The following WDHD1 variants were observed in gnomAD, a reference collection of about 807,000 sequenced individuals.
The protein encoded by WDHD1 is WD repeat and HMG-box DNA binding protein 1.
Under a neutral mutation model 135.4 loss-of-function variants are expected in WDHD1, and 111 were observed. The observed-to-expected ratio is 0.82, with a 90% CI of 0.70 to 0.96. The LOEUF is 0.96. WDHD1 is among the 40% of genes least tolerant of loss of function. WDHD1 has a pLI of 0.00. For synonymous variants in WDHD1, 434 were observed against 439.0 expected (o/e 0.99, Z 0.14); for missense variants, 1,351 against 1,336.3 (o/e 1.01, Z -0.17).
intron 24 of WDHD1, 195 bp from the exon 25 acceptor site, chr14:54,944,665 C>T: frequency 2.5e-6 from 1 of 404,410 alleles, no homozygotes; most frequent in East Asian, 6.3e-5. Flanking sequence ...TGTCACCCAG[C>T]CTGGAGTGCA....
chr14:54,975,636 A>T, intron 16 of WDHD1, among the ~76,000 whole-genome samples: 1 of 152,190 alleles, frequency 6.6e-6, no homozygotes, highest in East Asian at 1.9e-4. Context: ...GGCGTGAGCC[A>T]CTGCACCCAA....
intron 16 of WDHD1, among the ~76,000 whole-genome samples, chr14:54,969,446 G>C (rs1294950409): frequency 6.6e-6 from 1 of 151,758 alleles, no homozygotes; most frequent in Non-Finnish European, 1.5e-5. Context: ...AAGAACTTCT[G>C]CACAGCAAAG....
chr14:54,955,600 GT>G lies in WDHD1; in HGVS notation c.3010del (p.Thr1004ProfsTer23). On this transcript the variant is annotated frameshift_variant, in exon 24 of 26. Transcript: ENST00000360586. LOFTEE classifies it high-confidence loss of function. ...GTTTTGAGGAGGACATATAGCTGGG[GT>G]TTCAGATAATACATTTTTAAGATTT... Reference protein sequence around the residue: ...EENLKNVLSETPAICPPQNTE... With the variant: ...EENLKNVLSEXPAICPPQNTE... 6.3e-7 allele frequency: 1 copy of G among 1,593,460 alleles called. No homozygotes were observed.
intron 24 of WDHD1, among the ~76,000 whole-genome samples, chr14:54,954,198 A>C (rs890748181): frequency 6.6e-6 from 1 of 152,130 alleles, no homozygotes; most frequent in African/African-American, 2.4e-5. Flanking sequence ...AGGCAGGAGA[A>C]TCGCTTGAAC....
rs146199445 is a variant in WDHD1, at chr14:54,998,084, G to A, written c.943-2271C>T. Among the ~76,000 whole-genome samples, 267 of 151,034 alleles carry A rather than the reference G, an allele frequency of 1.8e-3. 1 individual carries two copies. Among genetic ancestry groups the A allele is most frequent in the African/African-American group, 6.3e-3 (259 of 41,112 alleles). On this transcript the variant is annotated intron_variant, in intron 10 of 25. Transcript: ENST00000360586. ...AAAAATTAGCAGGGCGTGGTGGTGG[G>A]TGCCTGTTATCCTAGGTACTTGGGA...
intron 6 of WDHD1, among the ~76,000 whole-genome samples, chr14:55,007,602 A>AACAAATGAT (rs1204846392): frequency 2.0e-5 from 3 of 152,208 alleles, no homozygotes; most frequent in Non-Finnish European, 4.4e-5. Flanking sequence ...GTGCAGAATA[A>AACAAATGAT]ACAAATGATA....
chr14:55,023,701 A>G (rs2042386573), intron 2 of WDHD1, among the ~76,000 whole-genome samples: 1 of 152,226 alleles, frequency 6.6e-6, no homozygotes. Context: ...TGAGCATCAT[A>G]CAGTGTTTTA....
At chr14:54,965,851 A>G (rs988786386) in intron 18 of WDHD1, among the ~76,000 whole-genome samples, 1 of 151,732 alleles carries the variant, frequency 6.6e-6, no homozygotes, top group African/African-American at 2.4e-5. Flanking sequence ...AGCTACTCGG[A>G]AGGTTGAGGC....
intron 15 of WDHD1, among the ~76,000 whole-genome samples, 196 bp from the exon 16 acceptor site, chr14:54,981,892 A>G (rs1452749070): frequency 6.6e-6 from 1 of 152,184 alleles, no homozygotes. Flanking sequence ...AAAAGAAAAA[A>G]CATTGGATTT....
chr14:54,972,610 C>G (rs1462020871), intron 16 of WDHD1, among the ~76,000 whole-genome samples: 1 of 122,402 alleles, frequency 8.2e-6, no homozygotes, highest in Non-Finnish European at 1.7e-5. Context: ...GGCATATTCA[C>G]TTTCATCCAT....
At chr14:54,967,783 G>C (rs559529671) in intron 16 of WDHD1, among the ~76,000 whole-genome samples, 19 of 152,094 alleles carry the variant, frequency 1.2e-4, no homozygotes, top group Admixed American at 8.5e-4. Context: ...ACCATGCCTG[G>C]CTAACTTTTG....
intron 25 of WDHD1, among the ~76,000 whole-genome samples, chr14:54,942,287 A>C (rs1233918857): frequency 6.6e-6 from 1 of 151,846 alleles, no homozygotes; most frequent in Non-Finnish European, 1.5e-5. Flanking sequence ...AATAATAAAA[A>C]TGAAACTTTT....
At chr14:55,009,813 T>C (rs917197772) in intron 4 of WDHD1, among the ~76,000 whole-genome samples, 2 of 152,048 alleles carry the variant, frequency 1.3e-5, no homozygotes, top group Non-Finnish European at 2.9e-5. Context: ...CAGAGCAGTA[T>C]ATTTCTTTCC....
chr14:54,992,044 G>A (rs573088366), intron 11 of WDHD1, among the ~76,000 whole-genome samples: 95 of 151,814 alleles, frequency 6.3e-4, no homozygotes, highest in African/African-American at 2.1e-3. Flanking sequence ...ACTTAAGGTC[G>A]GGAGTTCCAC....
At chr14:54,988,652 G>A (rs2041732406) in intron 13 of WDHD1, among the ~76,000 whole-genome samples, 2 of 151,560 alleles carry the variant, frequency 1.3e-5, no homozygotes, top group African/African-American at 4.8e-5. Context: ...GTAGAATTCT[G>A]GGAGGAGTTT....
chr14:55,005,537 A>C (rs919020396), intron 7 of WDHD1: 5 of 583,336 alleles, frequency 8.6e-6, no homozygotes, highest in Non-Finnish European at 1.6e-5. Context: ...GGTCCTCTTC[A>C]GATTTATGAT....
chr14:54,998,614 A>G (rs1424814232), intron 10 of WDHD1, among the ~76,000 whole-genome samples: 1 of 149,766 alleles, frequency 6.7e-6, no homozygotes, highest in East Asian at 1.9e-4. Flanking sequence ...ATACCTGTAA[A>G]TCATATTCTA....
intron 11 of WDHD1, among the ~76,000 whole-genome samples, chr14:54,992,019 C>T (rs917142420): frequency 6.6e-6 from 1 of 152,052 alleles, no homozygotes; most frequent in Non-Finnish European, 1.5e-5. Flanking sequence ...TTTGCAAGGC[C>T]GAGGCAGGCA....
intron 16 of WDHD1, among the ~76,000 whole-genome samples, chr14:54,979,238 A>T (rs551865183): frequency 6.6e-6 from 1 of 152,026 alleles, no homozygotes; most frequent in South Asian, 2.1e-4. Context: ...TGTAACCTCA[A>T]CCTCCTGGGC....
Sources: allele counts gnomAD v4.1 joint callset (sites outside exome capture counted in the v4.1 genomes callset), GRCh38; gene constraint gnomAD v4.1.1; transcripts MANE v1.5; gene names NCBI Gene and HGNC (gene_info 2026-07-23, HGNC 2026-07-21).